NRXN3: variants seen among roughly 807,000 people sequenced by gnomAD.
The protein encoded by NRXN3 is neurexin 3.
NRXN3 carries 32 observed loss-of-function variants against 137.6 expected under a neutral mutation model. The ratio of observed to expected loss-of-function variants is 0.23; its 90% CI spans 0.18 to 0.31. NRXN3 has a LOEUF of 0.31. Ranked by LOEUF, NRXN3 falls within the 10% of genes least tolerant of loss-of-function variation. The pLI, the probability that NRXN3 is intolerant of heterozygous loss-of-function variation, is 1.00. For synonymous variants in NRXN3, 798 were observed against 784.5 expected, an observed-to-expected ratio of 1.02 and a Z score of -0.29; for missense variants, 1,574 against 2,062.5, an observed-to-expected ratio of 0.76 and a Z score of 4.59.
At chr14:78,804,429 G>C (rs974541114) in intron 9 of NRXN3, among the ~76,000 whole-genome samples, 2 of 152,050 alleles carry the variant, frequency 1.3e-5, no homozygotes, top group African/African-American at 4.8e-5. Context: ...TGTGACACGT[G>C]GAAGGAAAAT....
intron 15 of NRXN3, among the ~76,000 whole-genome samples, chr14:79,096,780 T>G (rs2050431862): frequency 6.6e-6 from 1 of 152,122 alleles, no homozygotes; most frequent in African/African-American, 2.4e-5. Context: ...CCTTCTTGCT[T>G]GAGCCTATTG....
chr14:79,337,593 G>A (rs1402673627), intron 15 of NRXN3, among the ~76,000 whole-genome samples: 1 of 152,198 alleles, frequency 6.6e-6, no homozygotes, highest in East Asian at 1.9e-4. Flanking sequence ...ATGGAATGAT[G>A]TTTGTGCCTG....
intron 15 of NRXN3, among the ~76,000 whole-genome samples, chr14:79,422,586 A>G (rs2095594640): frequency 6.6e-6 from 1 of 152,154 alleles, no homozygotes; most frequent in Non-Finnish European, 1.5e-5. Flanking sequence ...TCTATGGTAG[A>G]AATAGATTTA....
At chr14:79,607,929 CCAAAA>C (rs1220015466) in intron 16 of NRXN3, among the ~76,000 whole-genome samples, 1 of 152,110 alleles carries the variant, frequency 6.6e-6, no homozygotes. Flanking sequence ...CCTCAGTCTC[CCAAAA>C]GTGCTGGGAT....
chr14:79,852,091 T>C (rs928564583), intron 20 of NRXN3, among the ~76,000 whole-genome samples: 3 of 152,144 alleles, frequency 2.0e-5, no homozygotes, highest in African/African-American at 7.2e-5. Flanking sequence ...CAGAGCAATG[T>C]TAATTATAAC....
chr14:79,508,390 A>ATGTTTTTTTTTTTTTTTTTTTTTTTTT (rs1555494767), intron 16 of NRXN3, among the ~76,000 whole-genome samples: 1 of 48,240 alleles, frequency 2.1e-5, no homozygotes, highest in Non-Finnish European at 4.0e-5. Context: ...ACAATAACTG[A>ATGTTTTTTTTTTTTTTTTTTTTTTTTT]TTTTTTTTTT....
At chr14:79,487,962 C>A (rs1601049315) in intron 16 of NRXN3, among the ~76,000 whole-genome samples, 1 of 152,144 alleles carries the variant, frequency 6.6e-6, no homozygotes, top group Non-Finnish European at 1.5e-5. Flanking sequence ...TGCCTCCCTT[C>A]CCCAGAGGGT....
At chr14:78,536,238 T>G (rs2096534336) in intron 4 of NRXN3, among the ~76,000 whole-genome samples, 1 of 152,226 alleles carries the variant, frequency 6.6e-6, no homozygotes, top group Non-Finnish European at 1.5e-5. Flanking sequence ...TCAGTGTTCA[T>G]CAAACAATGG....
intron 2 of NRXN3, among the ~76,000 whole-genome samples, chr14:78,268,710 C>T (rs1019669756): frequency 6.6e-6 from 1 of 152,146 alleles, no homozygotes; most frequent in African/African-American, 2.4e-5. Context: ...ATTAACTTCC[C>T]TGAGCCTTAG....
chr14:78,579,307 A>G (rs1377474843), intron 4 of NRXN3, among the ~76,000 whole-genome samples: 1 of 152,204 alleles, frequency 6.6e-6, no homozygotes, highest in African/African-American at 2.4e-5. Context: ...GTTTAAACAC[A>G]TGTCACCAGA....
At chr14:78,631,431 T>C (rs953914353) in intron 4 of NRXN3, among the ~76,000 whole-genome samples, 1 of 152,240 alleles carries the variant, frequency 6.6e-6, no homozygotes, top group Non-Finnish European at 1.5e-5. Context: ...AGTTGAGATA[T>C]CCAAATCATT....
intron 8 of NRXN3, among the ~76,000 whole-genome samples, chr14:78,784,509 T>C (rs1018331511): frequency 1.3e-5 from 2 of 152,160 alleles, no homozygotes; most frequent in African/African-American, 4.8e-5. Context: ...GAAATGAGAC[T>C]GTCTGGCCAA....
chr14:79,381,200 G>T (rs1010401071), intron 15 of NRXN3, among the ~76,000 whole-genome samples: 1 of 141,758 alleles, frequency 7.1e-6, no homozygotes, highest in Admixed American at 7.3e-5. Context: ...CTTTTAATGC[G>T]TTGAATGTTT....
chr14:79,582,665 C>T (rs1404228935), intron 16 of NRXN3, among the ~76,000 whole-genome samples: 3 of 150,316 alleles, frequency 2.0e-5, no homozygotes, highest in African/African-American at 4.9e-5. Context: ...GTGATCTGCC[C>T]GCCTCAGCCT....
chr14:79,652,027 G>A lies in NRXN3; in HGVS notation c.3445-11751G>A, dbSNP rs188018147. 3.9e-5 allele frequency among the ~76,000 whole-genome samples: 6 copies of A among 152,244 alleles called. No individual in the cohort carries two copies. In the East Asian group the frequency reaches 1.2e-3, roughly 29 times the overall value. On this transcript the variant is annotated intron_variant, in intron 16 of 20. Coordinates refer to ENST00000335750, the MANE Select transcript of NRXN3 (RefSeq NM_001330195.2). ...ACTGACTGTTCTGCCACTGTTTAAG[G>A]ACGATATTACAGTTGGATTATAGAT...
At chr14:79,592,044 C>T (rs1349569868) in intron 16 of NRXN3, among the ~76,000 whole-genome samples, 2 of 152,174 alleles carry the variant, frequency 1.3e-5, no homozygotes, top group Non-Finnish European at 2.9e-5. Flanking sequence ...GGAACTTTTT[C>T]ACCTTTTCAG....
intron 4 of NRXN3, among the ~76,000 whole-genome samples, chr14:78,332,324 T>A (rs1463179099): frequency 6.7e-6 from 1 of 150,108 alleles, no homozygotes; most frequent in Non-Finnish European, 1.5e-5. Flanking sequence ...TCTTCTTTTT[T>A]TTTTTTTTTT....
intron 15 of NRXN3, among the ~76,000 whole-genome samples, chr14:79,396,026 T>C (rs2095014433): frequency 1.3e-5 from 2 of 152,292 alleles, no homozygotes; most frequent in Middle Eastern, 3.4e-3. Flanking sequence ...GCTATGCACA[T>C]ATATACTATA....
At chr14:79,113,359 A>C (rs2152893282) in intron 15 of NRXN3, among the ~76,000 whole-genome samples, 1 of 152,306 alleles carries the variant, frequency 6.6e-6, no homozygotes, top group Admixed American at 6.5e-5. Flanking sequence ...CCATGGGAAC[A>C]AAGGCTAAGT....
Sources: gnomAD v4.1 joint callset for allele counts (sites outside exome capture counted in the v4.1 genomes callset) on GRCh38, gnomAD v4.1.1 for gene constraint, MANE v1.5 for transcripts, NCBI Gene and HGNC (gene_info 2026-07-23, HGNC 2026-07-21) for gene names.